CDH4: variants seen among roughly 807,000 people sequenced by gnomAD.
CDH4 encodes the protein cadherin-4.
Under a neutral mutation model 86.0 loss-of-function variants are expected in CDH4, and 33 were observed. The observed-to-expected ratio is 0.38, with a 90% CI of 0.29 to 0.51. CDH4 has a LOEUF of 0.51. Among genes scored for constraint, CDH4 ranks in the 20% least tolerant of loss-of-function variants. CDH4 has a pLI of 0.86. For missense variants in CDH4, 1,114 were observed against 1,307.4 expected (o/e 0.85, Z 2.28); for synonymous variants, 555 against 549.4 (o/e 1.01, Z -0.14).
At chr20:61,331,647 C>CCCCGACCACCT (rs200730495) in intron 2 of CDH4, among the ~76,000 whole-genome samples, 1 of 37,932 alleles carries the variant, frequency 2.6e-5, no homozygotes, top group Non-Finnish European at 5.5e-5. Flanking sequence ...ACCCACCTCC[C>CCCCGACCACCT]GCCCCAGCCA....
chr20:61,721,067 C>A (rs1568776923), intron 2 of CDH4, among the ~76,000 whole-genome samples: 1 of 152,234 alleles, frequency 6.6e-6, no homozygotes, highest in African/African-American at 2.4e-5. Context: ...TAGCTTGCCA[C>A]TCTTGCACCC....
At chr20:61,276,461 G>A (rs1265134152) in intron 2 of CDH4, among the ~76,000 whole-genome samples, 2 of 152,188 alleles carry the variant, frequency 1.3e-5, no homozygotes, top group Non-Finnish European at 2.9e-5. Flanking sequence ...GCTAATCTTG[G>A]TGTTTACCTG....
At chr20:61,562,094 G>A (rs2086221062) in intron 2 of CDH4, among the ~76,000 whole-genome samples, 1 of 136,208 alleles carries the variant, frequency 7.3e-6, no homozygotes, top group Non-Finnish European at 1.6e-5. Context: ...GTGGAGAGGT[G>A]GACCCCAGGG....
intron 2 of CDH4, among the ~76,000 whole-genome samples, chr20:61,508,090 C>G (rs1255966494): frequency 6.6e-6 from 1 of 152,232 alleles, no homozygotes; most frequent in African/African-American, 2.4e-5. Flanking sequence ...ATTTTCCCTT[C>G]ATGTTGTACA....
At chr20:61,750,821 C>T (rs1161166675) in intron 3 of CDH4, among the ~76,000 whole-genome samples, 1 of 152,196 alleles carries the variant, frequency 6.6e-6, no homozygotes, top group Non-Finnish European at 1.5e-5. Flanking sequence ...AGTTGTACTT[C>T]TATGTACCAG....
intron 2 of CDH4, among the ~76,000 whole-genome samples, chr20:61,287,504 T>A (rs1181053150): frequency 6.6e-6 from 1 of 151,990 alleles, no homozygotes; most frequent in African/African-American, 2.4e-5. Context: ...GCTTATGGGG[T>A]CCTGTGAGTG....
At chr20:61,694,927 A>G (rs115082367) in intron 2 of CDH4, among the ~76,000 whole-genome samples, 173 of 152,368 alleles carry the variant, frequency 1.1e-3, no homozygotes, top group African/African-American at 4.0e-3. Flanking sequence ...GAGAGCTGGA[A>G]TGAGGCCTGT....
intron 3 of CDH4, among the ~76,000 whole-genome samples, chr20:61,770,171 G>T (rs1344802039): frequency 6.6e-6 from 1 of 152,170 alleles, no homozygotes; most frequent in Non-Finnish European, 1.5e-5. Context: ...GTCATCATGA[G>T]GGGCTGAAGT....
chr20:61,346,905 T>G (rs551722101), intron 2 of CDH4, among the ~76,000 whole-genome samples: 1 of 152,168 alleles, frequency 6.6e-6, no homozygotes, highest in South Asian at 2.1e-4. Flanking sequence ...GTGCCCCCCA[T>G]CTGTCCCTCA....
chr20:61,462,852 G>A (rs2085451447), intron 2 of CDH4, among the ~76,000 whole-genome samples: 1 of 152,196 alleles, frequency 6.6e-6, no homozygotes, highest in Non-Finnish European at 1.5e-5. Flanking sequence ...TCAGCAGCAT[G>A]GGGTGGGCAC....
At chr20:61,412,594 C>A (rs1332925948) in intron 2 of CDH4, among the ~76,000 whole-genome samples, 1 of 152,152 alleles carries the variant, frequency 6.6e-6, no homozygotes, top group Non-Finnish European at 1.5e-5. Context: ...TCTAGGACAT[C>A]CTGAGACATA....
In CDH4 at chr20:61,663,964, G is replaced by A. The variant is rs186460491; in HGVS notation, c.170-79599G>A. Among the ~76,000 whole-genome samples the A allele has an allele frequency of 2.4e-4, 36 of 152,352 alleles. No homozygotes were observed. Among genetic ancestry groups the A allele is most frequent in the Admixed American group, 1.7e-3 (26 of 15,304 alleles). ...GTCCAGCACCGGTCCACGTTGAGGTGTCTGTGTGCCACCGGGACCCTTCCG... is the reference window on the plus strand; with the variant it reads ...GTCCAGCACCGGTCCACGTTGAGGTATCTGTGTGCCACCGGGACCCTTCCG... On this transcript the variant is annotated intron_variant, in intron 2 of 15. Coordinates refer to ENST00000614565, the MANE Select transcript of CDH4 (RefSeq NM_001794.5). The surrounding 1 kb of genome is among the most constrained non-coding windows in gnomAD (Gnocchi z 5.0).
intron 9 of CDH4, among the ~76,000 whole-genome samples, chr20:61,917,123 C>A (rs1011878865): frequency 2.1e-4 from 32 of 152,224 alleles, no homozygotes; most frequent in Non-Finnish European, 3.5e-4. Flanking sequence ...TCGGGCACGT[C>A]ATCCAGATCT....
At chr20:61,936,399 CCCCTCCCCCCTCTCCCACA>C (rs2055188777) in intron 15 of CDH4, among the ~76,000 whole-genome samples, 1 of 11,102 alleles carries the variant, frequency 9.0e-5, no homozygotes, top group Non-Finnish European at 2.1e-4. Flanking sequence ...TCCCCCACAC[CCCCTCCCCCCTCTCCCACA>C]CCCCCCCCCC....
At chr20:61,832,489 C>T (rs1981668583) in intron 4 of CDH4, among the ~76,000 whole-genome samples, 1 of 152,142 alleles carries the variant, frequency 6.6e-6, no homozygotes, top group South Asian at 2.1e-4. Flanking sequence ...ACAAAGGAAA[C>T]AGGTTTAATT....
At chr20:61,304,852 C>T (rs73319120) in intron 2 of CDH4, among the ~76,000 whole-genome samples, 2,097 of 143,690 alleles carry the variant, frequency 0.015, 56 homozygotes, top group African/African-American at 0.052. Flanking sequence ...GCATGCAGCA[C>T]GTGTATTGTG....
chr20:61,685,117 C>T (rs1467534109), intron 2 of CDH4, among the ~76,000 whole-genome samples: 2 of 152,202 alleles, frequency 1.3e-5, no homozygotes, highest in South Asian at 2.1e-4. Context: ...GCCACAAATA[C>T]ACCTTCTGTC....
intron 2 of CDH4, among the ~76,000 whole-genome samples, chr20:61,569,790 C>A (rs539402541): frequency 6.6e-6 from 1 of 152,244 alleles, no homozygotes; most frequent in African/African-American, 2.4e-5. Flanking sequence ...GATTCCTGGG[C>A]CTTTCTTTGT....
intron 2 of CDH4, among the ~76,000 whole-genome samples, chr20:61,422,777 C>G (rs1187693030): frequency 6.6e-6 from 1 of 152,154 alleles, no homozygotes; most frequent in African/African-American, 2.4e-5. Context: ...CCTGCTTGCT[C>G]AGAGCTTCCT....
Sources: allele counts gnomAD v4.1 joint callset (sites outside exome capture counted in the v4.1 genomes callset), GRCh38; gene constraint gnomAD v4.1.1; non-coding constraint Gnocchi (gnomAD v3.1); transcripts MANE v1.5; gene names NCBI Gene and HGNC (gene_info 2026-07-23, HGNC 2026-07-21).